CALN1: variants seen among roughly 807,000 people sequenced by gnomAD.
CALN1 encodes calcium-binding protein 8.
In CALN1, 17 loss-of-function variants were observed where a neutral mutation model predicts 30.6. The ratio of observed to expected loss-of-function variants is 0.56; its 90% CI spans 0.38 to 0.83. The LOEUF (loss-of-function observed/expected upper bound fraction) is 0.83. Among genes scored for constraint, CALN1 ranks in the 40% least tolerant of loss-of-function variants. The pLI, the probability that CALN1 is intolerant of heterozygous loss-of-function variation, is 0.00. For missense variants in CALN1, 291 were observed against 354.9 expected (o/e 0.82, Z 1.45); for synonymous variants, 156 against 131.4 (o/e 1.19, Z -1.28).
chr7:72,388,727 A>G (rs553695504), intron 2 of CALN1, among the ~76,000 whole-genome samples: 12 of 152,290 alleles, frequency 7.9e-5, no homozygotes, highest in South Asian at 2.1e-4. Flanking sequence ...TCATGGCTTA[A>G]GCATCCTGCT....
intron 5 of CALN1, among the ~76,000 whole-genome samples, chr7:71,910,053 A>C (rs1057038530): frequency 9.1e-6 from 1 of 110,046 alleles, no homozygotes; most frequent in African/African-American, 2.9e-5. Context: ...TAAAACCATC[A>C]GATCTCAAGA....
intron 2 of CALN1, among the ~76,000 whole-genome samples, chr7:72,387,258 A>AAGGGAGGG (rs1805274959): frequency 7.6e-5 from 2 of 26,226 alleles, no homozygotes; most frequent in Non-Finnish European, 1.4e-4. Flanking sequence ...GGGAGGGAGG[A>AAGGGAGGG]AGGGAGGAAG....
chr7:71,993,471 G>A (rs958516267), intron 5 of CALN1, among the ~76,000 whole-genome samples: 4 of 69,516 alleles, frequency 5.8e-5, no homozygotes, highest in Admixed American at 1.5e-4. Flanking sequence ...TTTTTTTTTT[G>A]TCTGTCATGG....
At chr7:71,832,198 T>A (rs999723359) in intron 5 of CALN1, among the ~76,000 whole-genome samples, 1 of 152,176 alleles carries the variant, frequency 6.6e-6, no homozygotes, top group African/African-American at 2.4e-5. Flanking sequence ...CCTCAACAGC[T>A]TCCATCTGGC....
chr7:72,107,471 C>T, intron 3 of CALN1, among the ~76,000 whole-genome samples: 1 of 152,232 alleles, frequency 6.6e-6, no homozygotes, highest in African/African-American at 2.4e-5. Context: ...ACTCTGCGGT[C>T]AGCAAGGGCT....
chr7:71,827,942 T>C (rs1328234828), intron 5 of CALN1, among the ~76,000 whole-genome samples: 1 of 152,002 alleles, frequency 6.6e-6, no homozygotes, highest in Non-Finnish European at 1.5e-5. Flanking sequence ...GCAAAGACCA[T>C]GAGGCTAGAA....
chr7:71,956,588 A>G (rs1295047890), intron 5 of CALN1, among the ~76,000 whole-genome samples: 1 of 151,938 alleles, frequency 6.6e-6, no homozygotes, highest in African/African-American at 2.4e-5. Context: ...CAGCCTCCCA[A>G]AGTGCTGGGA....
chr7:71,862,304 T>C (rs1230861768), intron 5 of CALN1, among the ~76,000 whole-genome samples: 1 of 152,172 alleles, frequency 6.6e-6, no homozygotes, highest in Non-Finnish European at 1.5e-5. Context: ...TACCCAAATC[T>C]CATCTTGAAT....
At chr7:71,923,252 G>A (rs549738187) in intron 5 of CALN1, among the ~76,000 whole-genome samples, 1 of 152,270 alleles carries the variant, frequency 6.6e-6, no homozygotes, top group South Asian at 2.1e-4. Flanking sequence ...AAAGCCTACA[G>A]CCAACCTCAG....
chr7:72,045,246 C>T (rs549209737), intron 4 of CALN1, among the ~76,000 whole-genome samples: 185 of 152,282 alleles, frequency 1.2e-3, no homozygotes, highest in Non-Finnish European at 2.0e-3. Context: ...TAGGAAGAGT[C>T]GTGAACAGCA....
chr7:72,189,449 G>A (rs1180429160), intron 3 of CALN1, among the ~76,000 whole-genome samples: 3 of 152,122 alleles, frequency 2.0e-5, no homozygotes, highest in East Asian at 3.9e-4. Context: ...AATAAGTGTT[G>A]GACATTATTA....
In CALN1 at chr7:71,847,722, G is replaced by GAAAGAAGAAAGAAGA. The variant is rs1474339262; in HGVS notation, c.502-37231_502-37230insTCTTCTTTCTTCTTT. ...AGAAGAAAGAAGAAAGAAGAAAGAA[G>GAAAGAAGAAAGAAGA]AAGAAAGAAGAAAGAAGAAAGAAGA... On this transcript the variant is annotated intron_variant, in intron 5 of 6. Transcript: ENST00000395275. 3.0e-5 allele frequency among the ~76,000 whole-genome samples: 3 copies of GAAAGAAGAAAGAAGA among 99,270 alleles called. No homozygotes were observed. The East Asian group carries it at 8.1e-4, about 27-fold the overall frequency. The allele number at this position is 99,270 out of a possible 152,430, so 65.1% of individuals were successfully genotyped here.
intron 2 of CALN1, among the ~76,000 whole-genome samples, chr7:72,384,590 A>G (rs1005553013): frequency 2.0e-5 from 3 of 152,038 alleles, no homozygotes; most frequent in African/African-American, 7.2e-5. Context: ...GCTATGTTGC[A>G]TGTGTGATCA....
intron 5 of CALN1, among the ~76,000 whole-genome samples, chr7:71,823,730 TAA>T (rs11441202): frequency 6.8e-6 from 1 of 147,778 alleles, no homozygotes; most frequent in Non-Finnish European, 1.5e-5. Flanking sequence ...AAAAGAAAAA[TAA>T]AAAAAATTAA....
chr7:71,928,593 C>G (rs982909322), intron 5 of CALN1, among the ~76,000 whole-genome samples: 2 of 152,106 alleles, frequency 1.3e-5, no homozygotes, highest in Non-Finnish European at 2.9e-5. Context: ...AATGCAATTA[C>G]TTTTGCACCA....
intron 1 of CALN1, among the ~76,000 whole-genome samples, chr7:72,446,434 G>C (rs1450069438): frequency 6.6e-6 from 1 of 152,114 alleles, no homozygotes; most frequent in Non-Finnish European, 1.5e-5. Flanking sequence ...CAAGGGACAG[G>C]GTTAGGAATT....
At chr7:72,340,129 T>C (rs1802313852) in intron 2 of CALN1, among the ~76,000 whole-genome samples, 1 of 152,250 alleles carries the variant, frequency 6.6e-6, no homozygotes, top group African/African-American at 2.4e-5. Flanking sequence ...CTGAAGGGTC[T>C]GGAGGAAGCC....
intron 5 of CALN1, among the ~76,000 whole-genome samples, chr7:71,854,937 T>G (rs1420466339): frequency 3.3e-5 from 5 of 152,220 alleles, no homozygotes; most frequent in African/African-American, 1.2e-4. Flanking sequence ...ATCTCAAAAC[T>G]ATGCTGCAAT....
At chr7:72,181,486 C>CT (rs770286700) in intron 3 of CALN1, among the ~76,000 whole-genome samples, 34,823 of 94,166 alleles carry the variant, frequency 0.37, 5,179 homozygotes, top group East Asian at 0.71. Flanking sequence ...ATTTCCATAA[C>CT]TTTTTTTTTT....
Sources: gnomAD v4.1 joint callset for allele counts (sites outside exome capture counted in the v4.1 genomes callset) on GRCh38, gnomAD v4.1.1 for gene constraint, MANE v1.5 for transcripts, NCBI Gene and HGNC (gene_info 2026-07-23, HGNC 2026-07-21) for gene names.